Variants in IL22RA1 observed in about 807,000 individuals in gnomAD.
IL22RA1 encodes the protein interleukin-22 receptor subunit alpha-1.
A neutral mutation model predicts 32.8 loss-of-function variants in IL22RA1; 25 were observed. That is an observed-to-expected ratio of 0.76 (90% CI 0.55 to 1.06). The LOEUF (loss-of-function observed/expected upper bound fraction) is 1.06, where lower values mean the gene tolerates loss of function less well. Ranked by LOEUF, IL22RA1 falls within the 50% of genes least tolerant of loss-of-function variation. The pLI, the probability that IL22RA1 is intolerant of heterozygous loss-of-function variation, is 0.00. For synonymous variants in IL22RA1, 305 were observed against 305.0 expected, an observed-to-expected ratio of 1.00 and a Z score of 0.00; for missense variants, 709 against 727.4, an observed-to-expected ratio of 0.97 and a Z score of 0.29.
intron 3 of IL22RA1, among the ~76,000 whole-genome samples, 164 bp downstream of exon 3, chr1:24,136,967 G>A (rs1644246573): frequency 6.6e-6 from 1 of 152,052 alleles, no homozygotes; most frequent in South Asian, 2.1e-4. Context: ...TAATTGGTGG[G>A]GGTGGGGGGC....
At chr1:24,125,049 C>T (rs1447820577) in intron 5 of IL22RA1, among the ~76,000 whole-genome samples, 1 of 152,138 alleles carries the variant, frequency 6.6e-6, no homozygotes, top group Non-Finnish European at 1.5e-5. Flanking sequence ...CTGGCTCTGC[C>T]ACAGATATGC....
intron 1 of IL22RA1, among the ~76,000 whole-genome samples, chr1:24,139,131 C>T (rs1473172887): frequency 6.6e-6 from 1 of 152,240 alleles, no homozygotes; most frequent in Non-Finnish European, 1.5e-5. Flanking sequence ...TTCTTCTCCT[C>T]CCCTAAACCC....
intron 5 of IL22RA1, among the ~76,000 whole-genome samples, chr1:24,123,749 A>C (rs558968268): frequency 6.6e-6 from 1 of 152,110 alleles, no homozygotes; most frequent in Non-Finnish European, 1.5e-5. Flanking sequence ...TGAAGTGGGG[A>C]GGTACAGGGA....
intron 5 of IL22RA1, 164 bp from the exon 6 acceptor site, chr1:24,123,587 T>C: frequency 7.3e-7 from 1 of 1,370,052 alleles, no homozygotes; most frequent in Non-Finnish European, 9.6e-7. Flanking sequence ...CCATATACTG[T>C]ACATCTAAAT....
At chr1:24,132,724 G>A (rs1020937302) in intron 4 of IL22RA1, among the ~76,000 whole-genome samples, 2 of 151,846 alleles carry the variant, frequency 1.3e-5, no homozygotes, top group Non-Finnish European at 2.9e-5. Flanking sequence ...AAGTTGGCCG[G>A]GTGCGGTGGC....
intron 3 of IL22RA1, 82 bp downstream of exon 3, chr1:24,137,049 A>T: frequency 7.3e-7 from 1 of 1,363,366 alleles, no homozygotes; most frequent in East Asian, 2.4e-5. Flanking sequence ...CACCCACTCC[A>T]GAGGGGAAGA....
chr1:24,120,828 G>A lies in IL22RA1; in HGVS notation c.1702C>T (p.Leu568=), dbSNP rs1335775430. 6.2e-7 allele frequency: 1 copy of A among 1,612,206 alleles called. No individual in the cohort carries two copies. Among genetic ancestry groups the A allele is most frequent in the South Asian group, 1.1e-5 (1 of 90,778 alleles). The change falls in exon 7 of 7, where the codon CTG becomes TTG. Residue 568 remains leucine (L), a synonymous_variant. Coordinates refer to ENST00000270800, the MANE Select transcript of IL22RA1 (RefSeq NM_021258.4). ...CCTCAGGACTCCCACTGCACAGTCA[G>A]GGCCAGGCCTCTGAAAAGAGAATCC... ...ELDSLFRGLA[L]TVQWES is the part of the protein sequence containing the mutation.
chr1:24,134,943 A>G, intron 3 of IL22RA1: 1 of 465,924 alleles, frequency 2.1e-6, no homozygotes, highest in South Asian at 9.3e-5. Flanking sequence ...CTTCCTGCCA[A>G]AATGTATATA....
chr1:24,126,653 A>G (rs546487969), intron 5 of IL22RA1, among the ~76,000 whole-genome samples: 5 of 152,308 alleles, frequency 3.3e-5, no homozygotes, highest in Admixed American at 3.3e-4. Flanking sequence ...GAAATCACTT[A>G]CTGACATCAT....
intron 2 of IL22RA1, among the ~76,000 whole-genome samples, chr1:24,137,568 G>A (rs1644251441): frequency 6.8e-6 from 1 of 147,214 alleles, no homozygotes. Context: ...TCAGGCTGGA[G>A]TGCAGTGGTG....
At chr1:24,141,186 C>T (rs139024416) in intron 1 of IL22RA1, among the ~76,000 whole-genome samples, 71 of 152,290 alleles carry the variant, frequency 4.7e-4, no homozygotes, top group African/African-American at 1.3e-3. Flanking sequence ...CGCAAGGTGA[C>T]GGCTGTGCCG....
chr1:24,134,208 C>T lies in IL22RA1; in HGVS notation c.531+3G>A, dbSNP rs769099845. 13 of 1,608,486 alleles carry T rather than the reference C, an allele frequency of 8.1e-6. No individual in the cohort carries two copies. The East Asian group carries it at 2.9e-4, about 36-fold the overall frequency. On this transcript the variant is annotated splice_donor_region_variant and intron_variant, in intron 4 of 6. Transcript: ENST00000270800. ...GAAAGACCAGGGTGCAACATACACTCACCATTTGGTAGGTGCGGTTGACCT... is the reference window on the plus strand; with the variant it reads ...GAAAGACCAGGGTGCAACATACACTTACCATTTGGTAGGTGCGGTTGACCT...
chr1:24,137,520 T>TC (rs1297271059), intron 2 of IL22RA1, among the ~76,000 whole-genome samples: 1 of 151,206 alleles, frequency 6.6e-6, no homozygotes, highest in East Asian at 1.9e-4. Context: ...TCCTTTCTTT[T>TC]TTTTTTTTTT....
intron 2 of IL22RA1, 125 bp downstream of exon 2, chr1:24,138,457 C>T (rs1644257982): frequency 1.0e-6 from 1 of 983,782 alleles, no homozygotes; most frequent in Non-Finnish European, 1.5e-6. Context: ...AAAGCTTTAT[C>T]TGGGAGGGGC....
chr1:24,137,058 G>A (rs1189081502), intron 3 of IL22RA1, 73 bp downstream of exon 3: 2 of 1,446,198 alleles, frequency 1.4e-6, no homozygotes. Context: ...CAGAGGGGAA[G>A]AGGCCATCCC....
intron 1 of IL22RA1, among the ~76,000 whole-genome samples, chr1:24,140,051 T>C (rs555615412): frequency 2.6e-5 from 4 of 152,370 alleles, no homozygotes; most frequent in African/African-American, 9.6e-5. Flanking sequence ...AAAATGGATA[T>C]AGTTTGATTT....
intron 5 of IL22RA1, among the ~76,000 whole-genome samples, chr1:24,124,488 G>A (rs1293653426): frequency 6.6e-6 from 1 of 152,176 alleles, no homozygotes; most frequent in Non-Finnish European, 1.5e-5. Context: ...AGTGGGGCTT[G>A]TGAAGGACTT....
intron 5 of IL22RA1, among the ~76,000 whole-genome samples, chr1:24,124,162 T>A (rs970177452): frequency 3.9e-5 from 6 of 152,108 alleles, no homozygotes. Context: ...AAGGGCCTTC[T>A]AAAGTGCTGG....
At chr1:24,122,489 C>A (rs1364988248) in intron 6 of IL22RA1, among the ~76,000 whole-genome samples, 2 of 152,082 alleles carry the variant, frequency 1.3e-5, no homozygotes, top group East Asian at 3.8e-4. Flanking sequence ...ATTAGTTTTG[C>A]CATTTAAAAA....
Sources: allele counts gnomAD v4.1 joint callset (sites outside exome capture counted in the v4.1 genomes callset), GRCh38; gene constraint gnomAD v4.1.1; transcripts MANE v1.5; gene names NCBI Gene and HGNC (gene_info 2026-07-23, HGNC 2026-07-21).